Variants in GATA4 observed in about 807,000 individuals in gnomAD.
The protein encoded by GATA4 is GATA binding protein 4.
A neutral mutation model predicts 37.9 loss-of-function variants in GATA4; 7 were observed. The observed-to-expected ratio is 0.18, with a 90% CI of 0.11 to 0.35. The LOEUF (loss-of-function observed/expected upper bound fraction) is 0.35. Ranked by LOEUF, GATA4 falls within the 10% of genes least tolerant of loss-of-function variation. GATA4 has a pLI of 1.00. For synonymous variants in GATA4, 372 were observed against 292.6 expected (o/e 1.27, Z -2.77); for missense variants, 647 against 653.0 (o/e 0.99, Z 0.10).
intron 2 of GATA4, among the ~76,000 whole-genome samples, chr8:11,744,469 C>G (rs1046938161): frequency 1.3e-5 from 2 of 152,180 alleles, no homozygotes; most frequent in African/African-American, 4.8e-5. Flanking sequence ...CAGCTGTGCC[C>G]CCTGGCTTCG....
At chr8:11,754,214 G>A (rs7826055) in intron 4 of GATA4, among the ~76,000 whole-genome samples, 7 of 152,028 alleles carry the variant, frequency 4.6e-5, no homozygotes, top group African/African-American at 1.5e-4. Context: ...TGATAGCACC[G>A]CTGCACCCTC....
chr8:11,714,708 C>A (rs1800361072), intron 2 of GATA4, among the ~76,000 whole-genome samples: 1 of 152,218 alleles, frequency 6.6e-6, no homozygotes, highest in Non-Finnish European at 1.5e-5. Flanking sequence ...TTGCTAGGCA[C>A]TTTCTAAGCA....
At chr8:11,724,476 C>G (rs1251916479) in intron 2 of GATA4, among the ~76,000 whole-genome samples, 2 of 152,188 alleles carry the variant, frequency 1.3e-5, no homozygotes, top group Non-Finnish European at 2.9e-5. Context: ...TCAACATCTC[C>G]AACGTAATTC....
intron 2 of GATA4, among the ~76,000 whole-genome samples, chr8:11,726,493 G>A (rs1380174696): frequency 1.3e-5 from 2 of 152,216 alleles, no homozygotes; most frequent in African/African-American, 4.8e-5. Flanking sequence ...GAAAGGTGCA[G>A]GTGGAGATGT....
At chr8:11,758,075 T>C (rs1802694093) in intron 6 of GATA4, among the ~76,000 whole-genome samples, 1 of 152,162 alleles carries the variant, frequency 6.6e-6, no homozygotes, top group African/African-American at 2.4e-5. Flanking sequence ...ATAGCCCTGG[T>C]TGTATACTGT....
intron 4 of GATA4, among the ~76,000 whole-genome samples, chr8:11,751,382 T>A (rs912395696): frequency 5.9e-5 from 9 of 152,120 alleles, no homozygotes; most frequent in Non-Finnish European, 8.8e-5. Context: ...ACACCTCTGG[T>A]AGGATATGTA....
At chr8:11,703,718 A>T (rs980369595), upstream of GATA4, among the ~76,000 whole-genome samples, 2 of 152,204 alleles carry the variant, frequency 1.3e-5, no homozygotes, top group African/African-American at 4.8e-5. Context: ...TGAACCTCCA[A>T]GGAATCCGGG....
intron 2 of GATA4, among the ~76,000 whole-genome samples, chr8:11,728,508 A>G (rs1801051450): frequency 6.6e-6 from 1 of 150,784 alleles, no homozygotes; most frequent in Non-Finnish European, 1.5e-5. Flanking sequence ...AGCTGGGACT[A>G]CAGGTGTGCA....
At chr8:11,732,229 C>T (rs1224799870) in intron 2 of GATA4, among the ~76,000 whole-genome samples, 1 of 152,198 alleles carries the variant, frequency 6.6e-6, no homozygotes, top group Non-Finnish European at 1.5e-5. Context: ...GATTTTGTAG[C>T]AGCTTCATGC....
At chr8:11,715,068 C>T (rs1800377734) in intron 2 of GATA4, among the ~76,000 whole-genome samples, 2 of 152,090 alleles carry the variant, frequency 1.3e-5, no homozygotes, top group African/African-American at 2.4e-5. Context: ...ATGCACGTGG[C>T]ACATACAAAC....
chr8:11,748,915 G>A lies in GATA4; in HGVS notation c.617-1G>A, dbSNP rs1481100691. Reference sequence around the variant, plus strand: ...TTTCTTGTCTGTTCCCCCCAACTCAGTAGATATGTTTGACGACTTCTCAGA... The same window carrying A: ...TTTCTTGTCTGTTCCCCCCAACTCAATAGATATGTTTGACGACTTCTCAGA... On this transcript the variant is annotated splice_acceptor_variant, in intron 2 of 6. Coordinates refer to ENST00000532059, the MANE Select transcript of GATA4 (RefSeq NM_001308093.3). LOFTEE classifies it high-confidence loss of function. 1.9e-6 allele frequency: 3 copies of A among 1,614,236 alleles called. No homozygotes were observed. Among genetic ancestry groups the A allele is most frequent in the Non-Finnish European group, 1.7e-6 (2 of 1,180,040 alleles).
rs779125034 is a variant in GATA4 at position 11,758,637 on chromosome 8, G to A, written c.*162G>A. 4.1e-6 allele frequency: 3 copies of A among 733,536 alleles called. No homozygotes were observed. Among genetic ancestry groups the A allele is most frequent in the Non-Finnish European group, 7.1e-6 (3 of 424,440 alleles). The allele number at this position is 733,536 out of a possible 1,614,324, so 45.4% of individuals were successfully genotyped here. ...AGTCGACAATCTGGTTAGGGGAAGC[G>A]GGTGTTGGATTTTCTCAGATGCCTT... On this transcript the variant is annotated 3_prime_UTR_variant, in exon 7 of 7. Transcript: ENST00000532059.
chr8:11,742,596 CAGCTGCAGG>C (rs1166470255), intron 2 of GATA4, among the ~76,000 whole-genome samples: 1 of 152,220 alleles, frequency 6.6e-6, no homozygotes, highest in East Asian at 1.9e-4. Context: ...CTCTGTTCAG[CAGCTGCAGG>C]AGCTTCCAAA....
chr8:11,716,074 T>C (rs144016327), intron 2 of GATA4, among the ~76,000 whole-genome samples: 70 of 152,326 alleles, frequency 4.6e-4, no homozygotes, highest in African/African-American at 1.5e-3. Context: ...TGAATAATGT[T>C]CCATTGTATG....
intron 1 of GATA4, chr8:11,706,039 C>T (rs1363199372): frequency 1.3e-5 from 2 of 152,086 alleles, no homozygotes; most frequent in African/African-American, 4.8e-5. Context: ...TTAAGGTAAA[C>T]CCATAATTCT....
intron 1 of GATA4, among the ~76,000 whole-genome samples, chr8:11,706,675 C>T (rs1214363287): frequency 6.6e-6 from 1 of 152,134 alleles, no homozygotes; most frequent in Non-Finnish European, 1.5e-5. Context: ...AAAACTTTGT[C>T]GGGAGTAGTT....
At chr8:11,738,700 T>C (rs992553390) in intron 2 of GATA4, among the ~76,000 whole-genome samples, 23 of 152,226 alleles carry the variant, frequency 1.5e-4, no homozygotes, top group Admixed American at 1.3e-3. Flanking sequence ...ATACTTTTGA[T>C]AAGATATTGC....
chr8:11,693,566 G>A (rs199843534), intron 1 of GATA4, among the ~76,000 whole-genome samples: 1 of 91,802 alleles, frequency 1.1e-5, no homozygotes, highest in Non-Finnish European at 2.2e-5. Flanking sequence ...CACACACAGA[G>A]AGAGAGAGAG....
chr8:11,680,610 G>C, intron 1 of GATA4: 1 of 985,340 alleles, frequency 1.0e-6, no homozygotes, highest in Non-Finnish European at 1.2e-6. Context: ...AGCGGCGGTC[G>C]GTGGCGTGAC....
Sources: allele counts gnomAD v4.1 joint callset (sites outside exome capture counted in the v4.1 genomes callset), GRCh38; gene constraint gnomAD v4.1.1; transcripts MANE v1.5; gene names NCBI Gene and HGNC (gene_info 2026-07-23, HGNC 2026-07-21).